SLC22A23: variants seen among roughly 807,000 people sequenced by gnomAD.
SLC22A23 encodes the protein ion transporter protein.
SLC22A23 carries 26 observed loss-of-function variants against 61.0 expected under a neutral mutation model. That is an observed-to-expected ratio of 0.43 (90% CI 0.31 to 0.59). The LOEUF (loss-of-function observed/expected upper bound fraction) is 0.59. Ranked by LOEUF, SLC22A23 falls within the 20% of genes least tolerant of loss-of-function variation. SLC22A23 has a pLI of 0.11. For synonymous variants in SLC22A23, 430 were observed against 413.9 expected (o/e 1.04, Z -0.47); for missense variants, 796 against 934.7 (o/e 0.85, Z 1.94).
rs1241571457 is a variant in SLC22A23, at chr6:3,390,710, G to GT, written c.913+19477dup. Among the ~76,000 whole-genome samples the GT allele has an allele frequency of 6.6e-6, 1 of 152,304 alleles. No homozygotes were observed. The highest frequency in any genetic ancestry group is 1.9e-4 in the East Asian group (1 of 5,184). Reference sequence around the variant, plus strand: ...CTGCCACTCAGCATCTCTGAGCCTGGTATGTATCAGTGGACCCCAAGTGGG... The same window carrying GT: ...CTGCCACTCAGCATCTCTGAGCCTGGTTATGTATCAGTGGACCCCAAGTGGG... On this transcript the variant is annotated intron_variant, in intron 3 of 9. Transcript: ENST00000406686. This position sits in a 1 kb window ranked among gnomAD's most constrained non-coding sequence, Gnocchi z 4.0.
chr6:3,417,968 C>T (rs552390021), intron 1 of SLC22A23, among the ~76,000 whole-genome samples: 2 of 152,320 alleles, frequency 1.3e-5, no homozygotes, highest in South Asian at 4.1e-4. Context: ...ATAATAAAAA[C>T]CTTTCACCAC....
rs1159921914 is a variant in SLC22A23 at position 3,454,055 on chromosome 6, T to G, written c.654+1851A>C. ...GGCAGTCCTTTATTTAGATCTTTTT[T>G]GTCTGTGAAAATCAATATGTCCTTT... On this transcript the variant is annotated intron_variant, in intron 1 of 9. Transcript: ENST00000406686. The surrounding 1 kb of genome is among the most constrained non-coding windows in gnomAD (Gnocchi z 4.3). 6.6e-6 allele frequency among the ~76,000 whole-genome samples: 1 copy of G among 152,224 alleles called. No individual in the cohort carries two copies. The highest frequency in any genetic ancestry group is 2.4e-5 in the African/African-American group (1 of 41,446).
intron 1 of SLC22A23, chr6:3,438,554 C>T: frequency 2.2e-6 from 1 of 456,476 alleles, no homozygotes; most frequent in Non-Finnish European, 4.4e-6. Context: ...CTGCTGACAA[C>T]ACTATAAAAC....
intron 3 of SLC22A23, among the ~76,000 whole-genome samples, chr6:3,377,650 G>A (rs936253111): frequency 4.1e-5 from 5 of 122,726 alleles, no homozygotes; most frequent in Admixed American, 2.6e-4. Context: ...CGCACTGAAC[G>A]TGTCTAGGCT....
At chr6:3,428,484 G>A (rs1009949692) in intron 1 of SLC22A23, among the ~76,000 whole-genome samples, 11 of 152,150 alleles carry the variant, frequency 7.2e-5, no homozygotes, top group Non-Finnish European at 1.0e-4. Context: ...CATGGGCTTG[G>A]CTTTGCGTAA....
intron 3 of SLC22A23, among the ~76,000 whole-genome samples, chr6:3,364,113 T>C (rs1279383526): frequency 1.3e-5 from 2 of 152,204 alleles, no homozygotes; most frequent in Non-Finnish European, 2.9e-5. Flanking sequence ...CGAACCTCTT[T>C]GGGATGAGTC....
At chr6:3,443,680 G>A (rs953010253) in intron 1 of SLC22A23, among the ~76,000 whole-genome samples, 3 of 152,084 alleles carry the variant, frequency 2.0e-5, no homozygotes, top group Non-Finnish European at 2.9e-5. Context: ...CTGTCACACC[G>A]TTTGAAGGAG....
rs1206233775 is a variant in SLC22A23, at chr6:3,328,828, A to G, written c.914-4826T>C. Among the ~76,000 whole-genome samples the G allele has an allele frequency of 7.9e-5, 12 of 152,132 alleles. No individual in the cohort carries two copies. Among genetic ancestry groups the G allele is most frequent in the Non-Finnish European group, 1.6e-4 (11 of 68,010 alleles). Reference sequence around the variant, plus strand: ...CTGGTTGAACTCTGAGGCGGAGGTCAGGAGGTCCTGCCCATCACACAGGCT... The same window carrying G: ...CTGGTTGAACTCTGAGGCGGAGGTCGGGAGGTCCTGCCCATCACACAGGCT... On this transcript the variant is annotated intron_variant, in intron 3 of 9. Transcript: ENST00000406686. The surrounding 1 kb of genome is among the most constrained non-coding windows in gnomAD (Gnocchi z 5.0).
chr6:3,346,155 T>C (rs1185699937), intron 3 of SLC22A23, among the ~76,000 whole-genome samples: 1 of 152,140 alleles, frequency 6.6e-6, no homozygotes, highest in Non-Finnish European at 1.5e-5. Context: ...CTCCTGGACG[T>C]TCAAGGGCAC....
intron 3 of SLC22A23, among the ~76,000 whole-genome samples, chr6:3,408,716 G>A (rs1285272422): frequency 6.6e-6 from 1 of 152,210 alleles, no homozygotes; most frequent in Non-Finnish European, 1.5e-5. Context: ...CTCTTGCCTG[G>A]GGGTGGTGAG....
At position 3,386,628 on chromosome 6, in the gene SLC22A23, G is replaced by A. The variant is rs1767327495; in HGVS notation, c.913+23560C>T. Among the ~76,000 whole-genome samples the A allele has an allele frequency of 6.6e-6, 1 of 152,362 alleles. No individual in the cohort carries two copies. Among genetic ancestry groups the A allele is most frequent in the South Asian group, 2.1e-4 (1 of 4,826 alleles). On this transcript the variant is annotated intron_variant, in intron 3 of 9. Coordinates refer to ENST00000406686, the MANE Select transcript of SLC22A23 (RefSeq NM_015482.2). This position sits in a 1 kb window ranked among gnomAD's most constrained non-coding sequence, Gnocchi z 4.4. Reference sequence around the variant, plus strand: ...AAGCGTGGCTGGGGACAGCCCGAGAGCTCAGAACGGCCTTCCAGGGCCAAC... The same window carrying A: ...AAGCGTGGCTGGGGACAGCCCGAGAACTCAGAACGGCCTTCCAGGGCCAAC...
chr6:3,452,232 T>A (rs1299771564), intron 1 of SLC22A23, among the ~76,000 whole-genome samples: 1 of 152,180 alleles, frequency 6.6e-6, no homozygotes, highest in Non-Finnish European at 1.5e-5. Context: ...GGAGCATCTG[T>A]ACCTGGTTCT....
intron 1 of SLC22A23, among the ~76,000 whole-genome samples, chr6:3,421,021 A>G (rs1770096984): frequency 6.6e-6 from 1 of 152,136 alleles, no homozygotes; most frequent in Non-Finnish European, 1.5e-5. Context: ...GAATTGCTTG[A>G]ACCTGGAAGA....
intron 3 of SLC22A23, among the ~76,000 whole-genome samples, chr6:3,354,687 G>C (rs1764967840): frequency 6.6e-6 from 1 of 152,088 alleles, no homozygotes; most frequent in Admixed American, 6.5e-5. Context: ...CAAGGTGTTG[G>C]AGGGGTTGCT....
At chr6:3,444,851 G>A (rs1771803998) in intron 1 of SLC22A23, 1 of 985,482 alleles carries the variant, frequency 1.0e-6, no homozygotes, top group Non-Finnish European at 1.2e-6. Flanking sequence ...TCTGGGTGAA[G>A]GCGGCAGACA....
At chr6:3,281,858 C>T (rs1010027312) in intron 9 of SLC22A23, among the ~76,000 whole-genome samples, 3 of 152,182 alleles carry the variant, frequency 2.0e-5, no homozygotes, top group Non-Finnish European at 4.4e-5. Flanking sequence ...TCATCCTCTG[C>T]AGGCACAAAA....
At chr6:3,365,375 C>G (rs1232285077) in intron 3 of SLC22A23, among the ~76,000 whole-genome samples, 2 of 152,162 alleles carry the variant, frequency 1.3e-5, no homozygotes, top group Admixed American at 1.3e-4. Context: ...ACGGACATGA[C>G]CTCTGTTCTT....
rs1285182592 is a variant in SLC22A23, at chr6:3,454,197, A to G, written c.654+1709T>C. On this transcript the variant is annotated intron_variant, in intron 1 of 9. Transcript: ENST00000406686. This position sits in a 1 kb window ranked among gnomAD's most constrained non-coding sequence, Gnocchi z 4.3. ...GCATCACCCAAAACATGCCACACACATGAGGGCTGTCTGTGACCCTCTCGA... is the reference window on the plus strand; with the variant it reads ...GCATCACCCAAAACATGCCACACACGTGAGGGCTGTCTGTGACCCTCTCGA... 1.3e-5 allele frequency among the ~76,000 whole-genome samples: 2 copies of G among 152,048 alleles called. No individual in the cohort carries two copies. The highest frequency in any genetic ancestry group is 2.9e-5 in the Non-Finnish European group (2 of 68,018).
rs1031929064 is a variant in SLC22A23 at position 3,363,471 on chromosome 6, G to A, written c.914-39469C>T. Among the ~76,000 whole-genome samples, 13 of 152,358 alleles carry A rather than the reference G, an allele frequency of 8.5e-5. No individual in the cohort carries two copies. In the East Asian group the frequency reaches 1.9e-3, roughly 23 times the overall value. On this transcript the variant is annotated intron_variant, in intron 3 of 9. Transcript: ENST00000406686. ...CTGTGAGGGAGAAGGGGAGGGGATG[G>A]AAAAGAATGAGCAGGAATATGAGTC... is the stretch of plus-strand genomic sequence containing the variant.
Sources: allele counts gnomAD v4.1 joint callset (sites outside exome capture counted in the v4.1 genomes callset), GRCh38; gene constraint gnomAD v4.1.1; non-coding constraint Gnocchi (gnomAD v3.1); transcripts MANE v1.5; gene names NCBI Gene and HGNC (gene_info 2026-07-23, HGNC 2026-07-21).